Variants in PRKAR2B observed in about 807,000 individuals in gnomAD.
The protein encoded by PRKAR2B is cAMP-dependent protein kinase type II-beta regulatory subunit.
Under a neutral mutation model 49.9 loss-of-function variants are expected in PRKAR2B, and 14 were observed. The observed-to-expected ratio is 0.28, with a 90% CI of 0.19 to 0.44. The LOEUF is 0.44. PRKAR2B is among the 20% of genes least tolerant of loss of function. PRKAR2B has a pLI of 1.00. For missense variants in PRKAR2B, 393 were observed against 537.9 expected (o/e 0.73, Z 2.67); for synonymous variants, 196 against 197.7 (o/e 0.99, Z 0.07).
intron 3 of PRKAR2B, among the ~76,000 whole-genome samples, chr7:107,122,787 C>G (rs1795412543): frequency 6.6e-6 from 1 of 152,174 alleles, no homozygotes; most frequent in Admixed American, 6.5e-5. Context: ...CATCATTAAG[C>G]TCCTTGAAAC....
intron 2 of PRKAR2B, among the ~76,000 whole-genome samples, chr7:107,082,410 G>C (rs1285417478): frequency 2.0e-5 from 3 of 151,968 alleles, no homozygotes; most frequent in African/African-American, 7.3e-5. Flanking sequence ...TTTATATGAA[G>C]AGAGCTATTT....
intron 2 of PRKAR2B, among the ~76,000 whole-genome samples, chr7:107,078,692 C>G (rs1193160188): frequency 6.6e-6 from 1 of 152,216 alleles, no homozygotes; most frequent in Non-Finnish European, 1.5e-5. Context: ...CTTAAGCAAC[C>G]TTGGGAATTG....
intron 2 of PRKAR2B, among the ~76,000 whole-genome samples, chr7:107,098,678 C>T (rs1196461565): frequency 2.0e-5 from 3 of 152,136 alleles, no homozygotes; most frequent in Admixed American, 6.6e-5. Flanking sequence ...ATGATGGTGA[C>T]GTACAAATGG....
chr7:107,045,402 A>T (rs1219364289), intron 1 of PRKAR2B, among the ~76,000 whole-genome samples, 188 bp downstream of exon 1: 1 of 149,608 alleles, frequency 6.7e-6, no homozygotes, highest in Non-Finnish European at 1.5e-5. Flanking sequence ...CCACCTTCCT[A>T]CTCCGCTCTC....
intron 2 of PRKAR2B, among the ~76,000 whole-genome samples, chr7:107,118,642 T>C (rs1795334832): frequency 6.6e-6 from 1 of 152,154 alleles, no homozygotes; most frequent in Non-Finnish European, 1.5e-5. Flanking sequence ...TCCCACTGTA[T>C]TGCGAGAGTG....
At chr7:107,078,969 G>A (rs1185674030) in intron 2 of PRKAR2B, among the ~76,000 whole-genome samples, 2 of 152,154 alleles carry the variant, frequency 1.3e-5, no homozygotes, top group Admixed American at 6.5e-5. Context: ...TTTGCCAGTC[G>A]ATGTGGAAGG....
At chr7:107,102,204 C>T (rs923604508) in intron 2 of PRKAR2B, among the ~76,000 whole-genome samples, 1 of 151,982 alleles carries the variant, frequency 6.6e-6, no homozygotes, top group African/African-American at 2.4e-5. Flanking sequence ...GAGACTCCGT[C>T]TCAAAAAGAA....
intron 1 of PRKAR2B, among the ~76,000 whole-genome samples, chr7:107,057,082 C>T (rs903191062): frequency 2.6e-5 from 4 of 152,130 alleles, no homozygotes; most frequent in South Asian, 2.1e-4. Flanking sequence ...CATCTTTTTG[C>T]GTTTCCTCAT....
intron 8 of PRKAR2B, among the ~76,000 whole-genome samples, chr7:107,155,558 C>T (rs1055172853): frequency 6.6e-6 from 1 of 152,164 alleles, no homozygotes; most frequent in East Asian, 1.9e-4. Flanking sequence ...TTAATAATTG[C>T]CATTCTGACT....
chr7:107,156,691 A>T (rs1358428268), intron 8 of PRKAR2B, among the ~76,000 whole-genome samples: 2 of 152,040 alleles, frequency 1.3e-5, no homozygotes, highest in African/African-American at 4.8e-5. Context: ...CTGTAGTCCC[A>T]GCCACCCAGG....
chr7:107,110,454 A>G (rs1199380512), intron 2 of PRKAR2B, among the ~76,000 whole-genome samples: 1 of 151,812 alleles, frequency 6.6e-6, no homozygotes, highest in Non-Finnish European at 1.5e-5. Context: ...TGCTGGCATC[A>G]CCCTTTCCAC....
intron 1 of PRKAR2B, among the ~76,000 whole-genome samples, chr7:107,060,657 A>G (rs1794011348): frequency 7.4e-6 from 1 of 135,734 alleles, no homozygotes; most frequent in East Asian, 2.1e-4. Context: ...CCTTCCTTTA[A>G]TGTTCTGGCT....
At chr7:107,053,648 T>C (rs1793853404) in intron 1 of PRKAR2B, among the ~76,000 whole-genome samples, 1 of 151,878 alleles carries the variant, frequency 6.6e-6, no homozygotes, top group Non-Finnish European at 1.5e-5. Context: ...TTCTATCTTA[T>C]AAAAAGGAAG....
At chr7:107,097,498 G>A (rs77636124) in intron 2 of PRKAR2B, among the ~76,000 whole-genome samples, 1 of 152,064 alleles carries the variant, frequency 6.6e-6, no homozygotes, top group South Asian at 2.1e-4. Context: ...GGAGCATTTA[G>A]CCCATTTACA....
intron 2 of PRKAR2B, among the ~76,000 whole-genome samples, chr7:107,099,577 G>A (rs562359229): frequency 2.9e-4 from 44 of 152,024 alleles, no homozygotes; most frequent in African/African-American, 7.2e-4. Context: ...CGTCTTCTGC[G>A]TTGCTCACCC....
chr7:107,075,006 T>C (rs181259414), intron 2 of PRKAR2B, among the ~76,000 whole-genome samples: 1,672 of 152,238 alleles, frequency 0.011, 16 homozygotes, highest in South Asian at 0.031. Flanking sequence ...GTTTACTTCT[T>C]TGAGTTTAAT....
intron 3 of PRKAR2B, 56 bp from the exon 4 acceptor site, chr7:107,128,154 CTT>C: frequency 8.9e-7 from 1 of 1,118,748 alleles, no homozygotes; most frequent in Non-Finnish European, 1.3e-6. Context: ...TTTAAAATCT[CTT>C]TGAGTGAGAT....
In PRKAR2B at chr7:107,124,908, A is replaced by G. The variant is rs1795457632; in HGVS notation, c.396+2904A>G. Among the ~76,000 whole-genome samples, 3 of 151,766 alleles carry G rather than the reference A, an allele frequency of 2.0e-5. No homozygotes were observed. The South Asian group carries it at 6.2e-4, about 32-fold the overall frequency. On this transcript the variant is annotated intron_variant, in intron 3 of 10. Transcript: ENST00000265717. ...AGAGTAAATATTTTAGGCTTTGGGG[A>G]GTCATGGGGTCTCCTTTGCAACTAC...
chr7:107,047,440 G>GC (rs1554360422), intron 1 of PRKAR2B, among the ~76,000 whole-genome samples: 1 of 144,392 alleles, frequency 6.9e-6, no homozygotes, highest in Non-Finnish European at 1.5e-5. Flanking sequence ...TTCTTCTTCA[G>GC]TTTTTTTTTT....
Sources: gnomAD v4.1 joint callset for allele counts (sites outside exome capture counted in the v4.1 genomes callset) on GRCh38, gnomAD v4.1.1 for gene constraint, MANE v1.5 for transcripts, NCBI Gene and HGNC (gene_info 2026-07-23, HGNC 2026-07-21) for gene names.